Variants in PDE1C observed in about 807,000 individuals in gnomAD.
PDE1C encodes the protein phosphodiesterase 1C.
A neutral mutation model predicts 93.1 loss-of-function variants in PDE1C; 62 were observed. The ratio of observed to expected loss-of-function variants is 0.67; its 90% CI spans 0.54 to 0.82. The LOEUF (loss-of-function observed/expected upper bound fraction) is 0.82. Among genes scored for constraint, PDE1C ranks in the 40% least tolerant of loss-of-function variants. The pLI, the probability that PDE1C is intolerant of heterozygous loss-of-function variation, is 0.00. For missense variants in PDE1C, 742 were observed against 884.6 expected, an observed-to-expected ratio of 0.84 and a Z score of 2.04; for synonymous variants, 325 against 310.1, an observed-to-expected ratio of 1.05 and a Z score of -0.50.
the PDE1C span, among the ~76,000 whole-genome samples, chr7:31,640,509 T>A: frequency 6.6e-6 from 1 of 152,258 alleles, no homozygotes; most frequent in Non-Finnish European, 1.5e-5. Context: ...TCAGCCTGGG[T>A]TCCCCCTTCT....
intron 3 of PDE1C, among the ~76,000 whole-genome samples, chr7:32,100,793 AG>A (rs750978203): frequency 3.3e-4 from 50 of 152,190 alleles, no homozygotes; most frequent in Non-Finnish European, 5.0e-4. Context: ...TTTAGACCCA[AG>A]CTGCACTCCA....
chr7:31,875,793 C>CTATATATATATATAA (rs1796478145), intron 5 of PDE1C, among the ~76,000 whole-genome samples: 2 of 43,082 alleles, frequency 4.6e-5, no homozygotes, highest in Non-Finnish European at 1.2e-4. Flanking sequence ...AAGCTTACAT[C>CTATATATATATATAA]TATATATATA....
chr7:32,223,441 C>T (rs1807027167), intron 1 of PDE1C, among the ~76,000 whole-genome samples: 1 of 152,188 alleles, frequency 6.6e-6, no homozygotes, highest in Non-Finnish European at 1.5e-5. Flanking sequence ...GGCCATATAG[C>T]AAGTAAATGG....
chr7:31,850,311 C>T (rs1461576065), intron 8 of PDE1C, among the ~76,000 whole-genome samples: 3 of 152,160 alleles, frequency 2.0e-5, no homozygotes, highest in Non-Finnish European at 4.4e-5. Context: ...TATGTGTCAT[C>T]TGGGCCTTTA....
intron 2 of PDE1C, among the ~76,000 whole-genome samples, chr7:32,180,885 T>C (rs987069): frequency 0.31 from 46,533 of 152,084 alleles, 8,540 homozygotes; most frequent in East Asian, 0.58. Flanking sequence ...TTAGAAATTA[T>C]GAAGAATGGA....
chr7:32,072,490 C>T (rs984720084), upstream of PDE1C, among the ~76,000 whole-genome samples: 3 of 152,192 alleles, frequency 2.0e-5, no homozygotes, highest in East Asian at 5.8e-4. Context: ...TAGAATGTCA[C>T]AAGAGGAAAT....
At chr7:31,666,371 T>C in the PDE1C span, among the ~76,000 whole-genome samples, 4 of 152,336 alleles carry the variant, frequency 2.6e-5, no homozygotes, top group South Asian at 8.3e-4. Flanking sequence ...TACCGTCCTT[T>C]AAATTAGATT....
At chr7:32,021,812 A>T (rs1788711580) in intron 2 of PDE1C, among the ~76,000 whole-genome samples, 1 of 152,066 alleles carries the variant, frequency 6.6e-6, no homozygotes. Flanking sequence ...CCTGGATCTG[A>T]AACTGAAGTG....
At chr7:31,683,361 CTTATT>C in the PDE1C span, among the ~76,000 whole-genome samples, 1 of 151,942 alleles carries the variant, frequency 6.6e-6, no homozygotes, top group South Asian at 2.1e-4. Flanking sequence ...CACCTTGCCT[CTTATT>C]TTAGTAGGTA....
At chr7:31,950,422 G>A (rs1005498084) in intron 2 of PDE1C, among the ~76,000 whole-genome samples, 3 of 152,116 alleles carry the variant, frequency 2.0e-5, no homozygotes, top group African/African-American at 7.2e-5. Flanking sequence ...ATAAACTGAA[G>A]CATACATACT....
At chr7:31,654,084 A>G in the PDE1C span, among the ~76,000 whole-genome samples, 116 of 152,034 alleles carry the variant, frequency 7.6e-4, no homozygotes, top group Admixed American at 2.0e-3. Context: ...CAACAAGCAA[A>G]TAATTACAAT....
intron 15 of PDE1C, among the ~76,000 whole-genome samples, chr7:31,814,019 CGTGTGT>C (rs147151538): frequency 1.3e-5 from 2 of 149,384 alleles, no homozygotes; most frequent in African/African-American, 2.5e-5. Flanking sequence ...AGTATTCCAT[CGTGTGT>C]GTGTGTGTGT....
chr7:31,855,058 C>A (rs1793826997), intron 7 of PDE1C, among the ~76,000 whole-genome samples: 2 of 126,762 alleles, frequency 1.6e-5, no homozygotes, highest in Non-Finnish European at 3.3e-5. Context: ...CAGAGCGAGA[C>A]TCCCTCTGTC....
At chr7:32,355,608 C>G (rs1433583000) in intron 1 of PDE1C, among the ~76,000 whole-genome samples, 1 of 152,204 alleles carries the variant, frequency 6.6e-6, no homozygotes, top group Admixed American at 6.5e-5. Context: ...TGGCACTACT[C>G]TCTCAGCATT....
the PDE1C span, among the ~76,000 whole-genome samples, chr7:31,735,755 T>A: frequency 2.0e-5 from 3 of 152,156 alleles, no homozygotes; most frequent in Non-Finnish European, 4.4e-5. Flanking sequence ...CTCTAGGGCA[T>A]GTTGTTTGTC....
At chr7:32,212,598 C>G (rs935479357) in intron 1 of PDE1C, among the ~76,000 whole-genome samples, 1 of 152,156 alleles carries the variant, frequency 6.6e-6, no homozygotes, top group African/African-American at 2.4e-5. Context: ...CGGTCACATG[C>G]GCTAGATGGA....
At chr7:31,631,519 T>C in the PDE1C span, among the ~76,000 whole-genome samples, 1 of 152,240 alleles carries the variant, frequency 6.6e-6, no homozygotes, top group Non-Finnish European at 1.5e-5. Flanking sequence ...CCAAATTTTC[T>C]TTACCACCTT....
chr7:32,362,098 A>C (rs902809237), intron 1 of PDE1C, among the ~76,000 whole-genome samples: 1 of 152,238 alleles, frequency 6.6e-6, no homozygotes, highest in South Asian at 2.1e-4. Flanking sequence ...GCGCTCCCCC[A>C]GGGCGGGGAG....
At chr7:31,693,362 A>G in the PDE1C span, among the ~76,000 whole-genome samples, 1 of 152,210 alleles carries the variant, frequency 6.6e-6, no homozygotes, top group African/African-American at 2.4e-5. Context: ...ACACATGACT[A>G]TGGCATGTAA....
Sources: allele counts gnomAD v4.1 joint callset (sites outside exome capture counted in the v4.1 genomes callset), GRCh38; gene constraint gnomAD v4.1.1; transcripts MANE v1.5; gene names NCBI Gene and HGNC (gene_info 2026-07-23, HGNC 2026-07-21).